Variants in TENM3 observed in about 807,000 individuals in gnomAD.
TENM3 encodes teneurin transmembrane protein 3.
TENM3 carries 63 observed loss-of-function variants against 255.1 expected under a neutral mutation model. The ratio of observed to expected loss-of-function variants is 0.25; its 90% CI spans 0.20 to 0.30. The LOEUF (loss-of-function observed/expected upper bound fraction) is 0.30. Among genes scored for constraint, TENM3 ranks in the 10% least tolerant of loss-of-function variants. The pLI is 1.00. For synonymous variants in TENM3, 1,306 were observed against 1,322.3 expected (o/e 0.99, Z 0.27); for missense variants, 2,929 against 3,461.1 (o/e 0.85, Z 3.86).
chr4:182,444,797 T>C (rs1469396124), intron 3 of TENM3, among the ~76,000 whole-genome samples: 1 of 152,170 alleles, frequency 6.6e-6, no homozygotes, highest in Non-Finnish European at 1.5e-5. Context: ...AACAACCAGC[T>C]TTCTTTTTTG....
At chr4:182,328,726 C>T (rs58869365) in intron 2 of TENM3, among the ~76,000 whole-genome samples, 4,610 of 152,190 alleles carry the variant, frequency 0.03, 78 homozygotes, top group African/African-American at 0.038. Flanking sequence ...TGGGCCGTGC[C>T]GTCTCTTCAT....
At chr4:182,571,685 A>C (rs1041206879) in intron 3 of TENM3, among the ~76,000 whole-genome samples, 1 of 152,254 alleles carries the variant, frequency 6.6e-6, no homozygotes, top group Non-Finnish European at 1.5e-5. Context: ...TTTTGGTATT[A>C]TGATCTATGT....
intron 1 of TENM3, among the ~76,000 whole-genome samples, chr4:182,160,532 C>T (rs947054434): frequency 2.4e-4 from 36 of 152,142 alleles, no homozygotes; most frequent in African/African-American, 8.0e-4. Flanking sequence ...GTTCCATTCA[C>T]AGAATTACTT....
At chr4:182,494,203 A>G (rs940085557) in intron 3 of TENM3, among the ~76,000 whole-genome samples, 5 of 152,180 alleles carry the variant, frequency 3.3e-5, no homozygotes, top group Admixed American at 2.6e-4. Context: ...ACATCAGTGT[A>G]TGATATTCTG....
intron 3 of TENM3, among the ~76,000 whole-genome samples, chr4:182,375,605 A>G (rs1767129746): frequency 1.3e-5 from 2 of 152,086 alleles, no homozygotes; most frequent in Non-Finnish European, 2.9e-5. Context: ...GCAGTGGCGC[A>G]GTCTCGGCTC....
intron 24 of TENM3, among the ~76,000 whole-genome samples, chr4:182,787,705 A>C (rs1168442921): frequency 7.1e-6 from 1 of 141,326 alleles, no homozygotes; most frequent in East Asian, 2.2e-4. Context: ...ACTGTACTCC[A>C]GCCTGGGCGA....
the TENM3 span, among the ~76,000 whole-genome samples, chr4:181,547,293 T>C: frequency 6.6e-6 from 1 of 151,908 alleles, no homozygotes; most frequent in South Asian, 2.1e-4. Context: ...GTTGAAAAAA[T>C]AGTAGTAGGT....
At chr4:182,479,777 T>A (rs6839031) in intron 3 of TENM3, among the ~76,000 whole-genome samples, 2 of 152,114 alleles carry the variant, frequency 1.3e-5, no homozygotes, top group East Asian at 3.9e-4. Context: ...TAGAAGTAAA[T>A]ATTTTTGATC....
At chr4:181,574,510 C>G in the TENM3 span, among the ~76,000 whole-genome samples, 1 of 151,330 alleles carries the variant, frequency 6.6e-6, no homozygotes, top group African/African-American at 2.4e-5. Flanking sequence ...CGCAGTCCGG[C>G]CTGGGCGACA....
At chr4:182,423,116 A>G (rs1770960439) in intron 3 of TENM3, among the ~76,000 whole-genome samples, 1 of 152,144 alleles carries the variant, frequency 6.6e-6, no homozygotes, top group African/African-American at 2.4e-5. Context: ...AAAATTTGTC[A>G]ACATCTCTTT....
At chr4:182,407,077 AAAAT>A (rs1561414637) in intron 3 of TENM3, among the ~76,000 whole-genome samples, 1 of 152,196 alleles carries the variant, frequency 6.6e-6, no homozygotes, top group African/African-American at 2.4e-5. Flanking sequence ...GTTCGACTGT[AAAAT>A]AAACAGGCTG....
Position 182,763,666 on chromosome 4 carries a change from T to C in TENM3, c.4892+8407T>C, listed in dbSNP as rs189438934. ...GGATGATGTTTTTAAGCTAGGTCAG[T>C]TAGCGTTATAGTAATAAAAGAAAGG... On this transcript the variant is annotated intron_variant, in intron 22 of 27. Transcript: ENST00000511685. Among the ~76,000 whole-genome samples the C allele has an allele frequency of 4.9e-3, 752 of 152,302 alleles. 4 individuals are homozygous for C. The highest frequency in any genetic ancestry group is 0.02 in the Middle Eastern group (6 of 294).
intron 1 of TENM3, among the ~76,000 whole-genome samples, chr4:182,277,371 A>AT (rs1432805421): frequency 1.3e-5 from 2 of 151,960 alleles, no homozygotes; most frequent in African/African-American, 2.4e-5. Flanking sequence ...TGTTTTTTTA[A>AT]TTTTTTTATT....
chr4:182,582,068 A>G (rs1016501375), intron 3 of TENM3, among the ~76,000 whole-genome samples: 7 of 152,176 alleles, frequency 4.6e-5, no homozygotes, highest in Non-Finnish European at 1.5e-5. Context: ...CCCCTATTTA[A>G]TATGCAGTGT....
chr4:181,924,730 G>T, the TENM3 span, among the ~76,000 whole-genome samples: 2 of 152,028 alleles, frequency 1.3e-5, no homozygotes, highest in African/African-American at 4.8e-5. Flanking sequence ...CTTTTCACCA[G>T]TTTGTATTGG....
intron 5 of TENM3, among the ~76,000 whole-genome samples, chr4:182,646,089 A>C (rs537694384): frequency 6.6e-6 from 1 of 152,220 alleles, no homozygotes; most frequent in African/African-American, 2.4e-5. Context: ...GCACATTTGC[A>C]TGATTACTGC....
chr4:181,932,491 G>A, the TENM3 span, among the ~76,000 whole-genome samples: 1 of 152,108 alleles, frequency 6.6e-6, no homozygotes, highest in Non-Finnish European at 1.5e-5. Flanking sequence ...TTAGAATGGT[G>A]ATCATTAAAA....
the TENM3 span, among the ~76,000 whole-genome samples, chr4:181,764,764 C>T: frequency 1.7e-4 from 26 of 152,274 alleles, no homozygotes; most frequent in African/African-American, 6.0e-4. Context: ...AGTCTCGGCT[C>T]ACTGCAACCT....
At chr4:181,678,524 C>T in the TENM3 span, among the ~76,000 whole-genome samples, 1 of 152,018 alleles carries the variant, frequency 6.6e-6, no homozygotes, top group Non-Finnish European at 1.5e-5. Flanking sequence ...GTTTTTCTCT[C>T]TATCAAAACT....
Sources: allele counts gnomAD v4.1 joint callset (sites outside exome capture counted in the v4.1 genomes callset), GRCh38; gene constraint gnomAD v4.1.1; transcripts MANE v1.5; gene names NCBI Gene and HGNC (gene_info 2026-07-23, HGNC 2026-07-21).